BEST3: variants seen among roughly 807,000 people sequenced by gnomAD.
BEST3 encodes bestrophin-3.
In BEST3, 50 loss-of-function variants were observed where a neutral mutation model predicts 47.1. The ratio of observed to expected loss-of-function variants is 1.06; its 90% CI spans 0.85 to 1.34. The LOEUF is 1.34. Among genes scored for constraint, BEST3 ranks in the 40% most tolerant of loss-of-function variants. The pLI is 0.00. For missense variants in BEST3, 765 were observed against 817.0 expected (o/e 0.94, Z 0.78); for synonymous variants, 282 against 298.8 (o/e 0.94, Z 0.58).
chr12:69,686,925 G>A (rs755297882), intron 4 of BEST3, among the ~76,000 whole-genome samples: 1 of 152,090 alleles, frequency 6.6e-6, no homozygotes, highest in African/African-American at 2.4e-5. Flanking sequence ...ATGATTAACT[G>A]CCCAGCTGAC....
At chr12:69,672,283 C>T (rs1485841525) in intron 8 of BEST3, among the ~76,000 whole-genome samples, 1 of 152,180 alleles carries the variant, frequency 6.6e-6, no homozygotes, top group Non-Finnish European at 1.5e-5. Context: ...ATGTGAAGGC[C>T]TTCACAGGGA....
At chr12:69,679,539 C>A (rs1206883320) in intron 4 of BEST3, among the ~76,000 whole-genome samples, 4 of 152,138 alleles carry the variant, frequency 2.6e-5, no homozygotes, top group Non-Finnish European at 1.5e-5. Flanking sequence ...GTTCATCGTC[C>A]CCATAGCATT....
chr12:69,688,484 G>T (rs1220541028), intron 4 of BEST3, among the ~76,000 whole-genome samples: 2 of 152,114 alleles, frequency 1.3e-5, no homozygotes, highest in East Asian at 3.9e-4. Context: ...TTAACCTGTA[G>T]CATCAAATTA....
intron 8 of BEST3, among the ~76,000 whole-genome samples, 198 bp downstream of exon 8, chr12:69,672,687 C>G (rs1463094260): frequency 6.6e-6 from 1 of 152,094 alleles, no homozygotes; most frequent in East Asian, 1.9e-4. Flanking sequence ...TTAAAAGGAA[C>G]TAAATTTCAC....
At chr12:69,689,075 C>T in intron 4 of BEST3, 1 of 985,408 alleles carries the variant, frequency 1.0e-6, no homozygotes, top group Non-Finnish European at 1.2e-6. Flanking sequence ...CTTACCAGTC[C>T]TCTCTGCCCT....
intron 4 of BEST3, among the ~76,000 whole-genome samples, chr12:69,688,403 G>T (rs1464810286): frequency 6.6e-6 from 1 of 152,166 alleles, no homozygotes; most frequent in African/African-American, 2.4e-5. Flanking sequence ...ACATTATTCC[G>T]AATTCCACTG....
At chr12:69,663,012 G>T (rs1883961563) in intron 9 of BEST3, among the ~76,000 whole-genome samples, 1 of 152,138 alleles carries the variant, frequency 6.6e-6, no homozygotes, top group Non-Finnish European at 1.5e-5. Context: ...GTTTGTTAGG[G>T]TTTTTCCAAG....
rs987789726 is a variant in BEST3 at position 69,654,273 on chromosome 12, G to A, written c.*634C>T. ...CAGGGAGAAGGGAAGGGAAAAAAAG[G>A]ATGACAGAATAAAAGGAAAAGAGAG... is the stretch of plus-strand genomic sequence containing the variant. On this transcript the variant is annotated 3_prime_UTR_variant, in exon 10 of 10. Transcript: ENST00000330891. 2.0e-6 allele frequency: 2 copies of A among 984,794 alleles called. No homozygotes were observed. Among genetic ancestry groups the A allele is most frequent in the East Asian group, 2.3e-4 (2 of 8,822 alleles). The allele number at this position is 984,794 out of a possible 1,614,324, so 61.0% of individuals were successfully genotyped here.
chr12:69,667,345 AG>A (rs1293227324), intron 9 of BEST3, among the ~76,000 whole-genome samples: 1 of 151,782 alleles, frequency 6.6e-6, no homozygotes. Flanking sequence ...CCCAGGCTGG[AG>A]TATAACGGTG....
At chr12:69,693,630 C>T in intron 4 of BEST3, 44 bp downstream of exon 4, 2 of 1,425,420 alleles carry the variant, frequency 1.4e-6, no homozygotes, top group Non-Finnish European at 2.0e-6. Flanking sequence ...GAGGTCCTGT[C>T]TCAGCTGAGA....
At chr12:69,664,877 C>A (rs1178514791) in intron 9 of BEST3, among the ~76,000 whole-genome samples, 1 of 152,036 alleles carries the variant, frequency 6.6e-6, no homozygotes, top group African/African-American at 2.4e-5. Context: ...GAAAAGGAAA[C>A]CATCATTAAT....
intron 4 of BEST3, among the ~76,000 whole-genome samples, chr12:69,692,186 A>G (rs1807509218): frequency 6.6e-6 from 1 of 152,240 alleles, no homozygotes; most frequent in Admixed American, 6.5e-5. Context: ...AACAAAAACA[A>G]CAACAACAAA....
Position 69,654,645 on chromosome 12 carries a change from TAAGAC to T in BEST3, c.*257_*261del. The T allele has an allele frequency of 8.3e-7, 1 of 1,202,272 alleles. No homozygotes were observed. 74.5% of individuals were successfully genotyped at this position (1,202,272 alleles called of 1,614,324 possible). A position where few individuals can be genotyped will look rare whatever the true frequency, so the allele number is the denominator to read the frequency against. ...TGTTTTTCAGATTCCTTTTTTTGGTTAAGACTTATTTGGCTAAATCACTGTGGTCT... is the reference window on the plus strand; with the variant it reads ...TGTTTTTCAGATTCCTTTTTTTGGTTTTATTTGGCTAAATCACTGTGGTCT... On this transcript the variant is annotated 3_prime_UTR_variant, in exon 10 of 10. Coordinates refer to ENST00000330891, the MANE Select transcript of BEST3 (RefSeq NM_032735.3).
chr12:69,646,204 T>C (rs1883030835), intron 9 of BEST3, among the ~76,000 whole-genome samples: 2 of 152,136 alleles, frequency 1.3e-5, no homozygotes, highest in African/African-American at 4.8e-5. Flanking sequence ...TCCCAAGGTG[T>C]TGGGATTACA....
intron 4 of BEST3, among the ~76,000 whole-genome samples, chr12:69,693,399 G>A (rs1886003572): frequency 6.6e-6 from 1 of 151,762 alleles, no homozygotes; most frequent in East Asian, 1.9e-4. Context: ...CAGTAGCTGG[G>A]ATTACAGGCA....
At position 69,646,806 on chromosome 12, in the gene BEST3, G is replaced by T. The variant is rs1593122656; in HGVS notation, c.1101-3019C>A. On this transcript the variant is annotated intron_variant, in intron 9 of 9. Coordinates refer to the BEST3 transcript ENST00000331471. ...TTTTATTTGGAAAAAATGACTGATT[G>T]AAAGTGTTTTCTAATCTTGGTTGTG... Among the ~76,000 whole-genome samples the T allele has an allele frequency of 3.3e-5, 5 of 152,320 alleles. 1 individual carries two copies. Among genetic ancestry groups the T allele is most frequent in the Admixed American group, 3.3e-4 (5 of 15,304 alleles).
At chr12:69,694,486 C>T (rs886482828) in intron 2 of BEST3, 22 bp from the exon 3 acceptor site, 4 of 1,402,422 alleles carry the variant, frequency 2.9e-6, no homozygotes, top group African/African-American at 2.9e-5. Context: ...ATAAAATGCA[C>T]AGCCCTTTAT....
intron 9 of BEST3, among the ~76,000 whole-genome samples, chr12:69,663,462 A>G (rs1328293231): frequency 6.6e-6 from 1 of 152,174 alleles, no homozygotes; most frequent in Non-Finnish European, 1.5e-5. Context: ...TCTTTTGGCT[A>G]CTTGTGGGTG....
At chr12:69,676,364 T>G (rs570846107) in intron 7 of BEST3, among the ~76,000 whole-genome samples, 89 of 151,786 alleles carry the variant, frequency 5.9e-4, no homozygotes, top group African/African-American at 2.1e-3. Context: ...TGAGCTGAGA[T>G]TGCGTTACTG....
Sources: gnomAD v4.1 joint callset for allele counts (sites outside exome capture counted in the v4.1 genomes callset) on GRCh38, gnomAD v4.1.1 for gene constraint, MANE v1.5 for transcripts, NCBI Gene and HGNC (gene_info 2026-07-23, HGNC 2026-07-21) for gene names.